RPH3A: variants seen among roughly 807,000 people sequenced by gnomAD.
RPH3A encodes the protein rabphilin-3A.
Under a neutral mutation model 102.2 loss-of-function variants are expected in RPH3A, and 48 were observed. That is an observed-to-expected ratio of 0.47 (90% confidence interval 0.37 to 0.60). The LOEUF is 0.60. Among genes scored for constraint, RPH3A ranks in the 20% least tolerant of loss-of-function variants. The pLI is 0.00. For synonymous variants in RPH3A, 310 were observed against 324.3 expected (o/e 0.96, Z 0.47); for missense variants, 781 against 910.1 (o/e 0.86, Z 1.83).
At chr12:112,881,195 A>G (rs549144415) in intron 14 of RPH3A, among the ~76,000 whole-genome samples, 1 of 152,310 alleles carries the variant, frequency 6.6e-6, no homozygotes, top group African/African-American at 2.4e-5. Context: ...GGGATTGCTC[A>G]TTTTAACAAA....
At chr12:112,736,615 C>G (rs537270985) in intron 1 of RPH3A, among the ~76,000 whole-genome samples, 48 of 152,278 alleles carry the variant, frequency 3.2e-4, no homozygotes, top group Middle Eastern at 3.4e-3. Context: ...GAACAGTGAC[C>G]ACCTCATGGG....
chr12:112,812,241 C>T (rs1057020325), intron 2 of RPH3A, among the ~76,000 whole-genome samples: 7 of 152,124 alleles, frequency 4.6e-5, no homozygotes, highest in African/African-American at 1.7e-4. Context: ...CCAGCCCCAT[C>T]AGAACACCAC....
chr12:112,831,056 C>A (rs1053696454), intron 3 of RPH3A, among the ~76,000 whole-genome samples: 1 of 151,084 alleles, frequency 6.6e-6, no homozygotes, highest in African/African-American at 2.4e-5. Context: ...TTTCACTGTT[C>A]TAGAGCAAAA....
chr12:112,816,275 G>A (rs904726750), intron 2 of RPH3A, among the ~76,000 whole-genome samples: 4 of 152,138 alleles, frequency 2.6e-5, no homozygotes, highest in East Asian at 1.9e-4. Context: ...TGTTTTCTAC[G>A]ATCATTACCA....
Position 112,590,299 on chromosome 12 carries a change from T to C in RPH3A, c.-140+14980T>C, listed in dbSNP as rs11066356. Among the ~76,000 whole-genome samples, 151 of 152,292 alleles carry C rather than the reference T, an allele frequency of 9.9e-4. 2 individuals carry two copies. In the East Asian group the frequency reaches 0.025, roughly 25 times the overall value. On this transcript the variant is annotated intron_variant, in intron 1 of 21. Transcript: ENST00000543106. Reference sequence around the variant, plus strand: ...AGCTGGAGTGGCATTTCAGTGTGGCTGTTTCCACTGAGCTCTTGCAGCCAC... The same window carrying C: ...AGCTGGAGTGGCATTTCAGTGTGGCCGTTTCCACTGAGCTCTTGCAGCCAC...
chr12:112,703,884 T>C (rs1244733926), intron 1 of RPH3A, among the ~76,000 whole-genome samples: 1 of 152,252 alleles, frequency 6.6e-6, no homozygotes, highest in Non-Finnish European at 1.5e-5. Flanking sequence ...ACCTGGTTTC[T>C]TGGCATATTG....
intron 2 of RPH3A, among the ~76,000 whole-genome samples, chr12:112,794,983 C>G (rs1175033622): frequency 1.3e-5 from 2 of 152,170 alleles, no homozygotes; most frequent in Non-Finnish European, 2.9e-5. Context: ...AGGCAGCAGA[C>G]AGAGATTCTG....
chr12:112,619,342 A>G (rs968615574), intron 1 of RPH3A, among the ~76,000 whole-genome samples: 1 of 149,574 alleles, frequency 6.7e-6, no homozygotes, highest in Admixed American at 6.7e-5. Flanking sequence ...CTGAAGTGCA[A>G]TGGCACAACC....
chr12:112,771,857 A>G (rs1057032073), intron 1 of RPH3A, among the ~76,000 whole-genome samples: 7 of 152,228 alleles, frequency 4.6e-5, no homozygotes, highest in Non-Finnish European at 1.0e-4. Context: ...GAAAATATCA[A>G]AGAACATCAC....
At chr12:112,676,093 C>T (rs1402727557) in intron 1 of RPH3A, among the ~76,000 whole-genome samples, 1 of 152,188 alleles carries the variant, frequency 6.6e-6, no homozygotes, top group Non-Finnish European at 1.5e-5. Context: ...GCGGCCCAGA[C>T]TGGGGAGAAA....
chr12:112,866,387 A>T (rs1173751727), intron 6 of RPH3A, among the ~76,000 whole-genome samples: 1 of 152,142 alleles, frequency 6.6e-6, no homozygotes, highest in African/African-American at 2.4e-5. Flanking sequence ...TTCTAGTCAT[A>T]GTCTAGGTTG....
chr12:112,794,129 G>A (rs1056998424), intron 2 of RPH3A, among the ~76,000 whole-genome samples: 1 of 152,174 alleles, frequency 6.6e-6, no homozygotes, highest in African/African-American at 2.4e-5. Context: ...GTGGTGCATT[G>A]TGGTGCACCA....
At chr12:112,868,965 C>T (rs1459988058) in intron 8 of RPH3A, 3 of 186,296 alleles carry the variant, frequency 1.6e-5, no homozygotes, top group Non-Finnish European at 3.3e-5. Context: ...CCTGTTATTT[C>T]TCCTACTATC....
chr12:112,799,963 C>A (rs113296254), intron 2 of RPH3A, among the ~76,000 whole-genome samples: 7,230 of 152,244 alleles, frequency 0.047, 591 homozygotes, highest in African/African-American at 0.17. Context: ...GCTCTAGACT[C>A]ATTCCCCCAT....
chr12:112,669,597 C>T (rs1449252285), intron 1 of RPH3A, among the ~76,000 whole-genome samples: 1 of 152,134 alleles, frequency 6.6e-6, no homozygotes, highest in Non-Finnish European at 1.5e-5. Flanking sequence ...ATCCACAAAG[C>T]CAATCACTAT....
At chr12:112,742,536 C>A (rs1281399147) in intron 1 of RPH3A, among the ~76,000 whole-genome samples, 2 of 152,170 alleles carry the variant, frequency 1.3e-5, no homozygotes, top group Non-Finnish European at 2.9e-5. Context: ...AAACAGTTGG[C>A]ATTCTCAGAC....
At chr12:112,889,062 GC>G (rs1186528729) in intron 17 of RPH3A, among the ~76,000 whole-genome samples, 1 of 152,186 alleles carries the variant, frequency 6.6e-6, no homozygotes, top group Non-Finnish European at 1.5e-5. Flanking sequence ...CCACCAGATG[GC>G]CAGCCTGAGG....
chr12:112,780,472 A>G (rs1374870161), intron 1 of RPH3A, among the ~76,000 whole-genome samples: 2 of 151,786 alleles, frequency 1.3e-5, no homozygotes, highest in Admixed American at 1.3e-4. Context: ...TCCTGTATCC[A>G]TTCTCTCAAA....
rs376529522 is a variant in RPH3A at position 112,715,637 on chromosome 12, T to C, written c.-139-76506T>C. ...TTTTCTTGGCTGTAGATTTTTCTCT[T>C]CCCAACTACATGGTGAGCTCACAGT... On this transcript the variant is annotated intron_variant, in intron 1 of 21. Transcript: ENST00000543106. 2.7e-3 allele frequency among the ~76,000 whole-genome samples: 414 copies of C among 152,300 alleles called. 4 individuals are homozygous for C. Among genetic ancestry groups the C allele is most frequent in the African/African-American group, 9.7e-3 (402 of 41,550 alleles).
Sources: gnomAD v4.1 joint callset for allele counts (sites outside exome capture counted in the v4.1 genomes callset) on GRCh38, gnomAD v4.1.1 for gene constraint, MANE v1.5 for transcripts, NCBI Gene and HGNC (gene_info 2026-07-23, HGNC 2026-07-21) for gene names.